Variants in ZNF277 observed in about 807,000 individuals in gnomAD.
The protein encoded by ZNF277 is nuclear receptor-interacting factor 4.
In ZNF277, 55 loss-of-function variants were observed where a neutral mutation model predicts 60.7. The ratio of observed to expected loss-of-function variants is 0.91; its 90% CI spans 0.73 to 1.13. The LOEUF is 1.13. ZNF277 is among the 50% of genes most tolerant of loss of function. ZNF277 has a pLI of 0.00. For synonymous variants in ZNF277, 178 were observed against 179.3 expected (o/e 0.99, Z 0.06); for missense variants, 510 against 523.0 (o/e 0.98, Z 0.24).
intron 1 of ZNF277, among the ~76,000 whole-genome samples, chr7:112,269,131 C>T (rs150986523): frequency 6.6e-6 from 1 of 152,050 alleles, no homozygotes; most frequent in East Asian, 1.9e-4. Context: ...CAATGAATGA[C>T]AAGACCTTGA....
chr7:112,221,422 A>G (rs182946138), intron 1 of ZNF277, among the ~76,000 whole-genome samples: 112 of 152,290 alleles, frequency 7.4e-4, no homozygotes, highest in Admixed American at 7.3e-3. Flanking sequence ...TAACATTATC[A>G]TATATGGCAG....
intron 1 of ZNF277, among the ~76,000 whole-genome samples, chr7:112,237,591 A>G (rs1790834472): frequency 6.6e-6 from 1 of 152,198 alleles, no homozygotes; most frequent in Non-Finnish European, 1.5e-5. Flanking sequence ...CACAAACTAG[A>G]AAACCTAGAG....
intron 1 of ZNF277, among the ~76,000 whole-genome samples, chr7:112,284,507 A>G (rs1323881698): frequency 6.6e-6 from 1 of 152,178 alleles, no homozygotes; most frequent in Admixed American, 6.6e-5. Context: ...TGCCTATGAA[A>G]GTTAACCTAC....
intron 1 of ZNF277, among the ~76,000 whole-genome samples, chr7:112,235,473 CTTA>C (rs1473488069): frequency 6.6e-6 from 1 of 152,024 alleles, no homozygotes; most frequent in Non-Finnish European, 1.5e-5. Context: ...GAAGTAGTAT[CTTA>C]TTATAGTATT....
intron 1 of ZNF277, among the ~76,000 whole-genome samples, chr7:112,234,990 T>A (rs2116983731): frequency 6.6e-6 from 1 of 152,136 alleles, no homozygotes; most frequent in East Asian, 1.9e-4. Flanking sequence ...GTTTGTTGTT[T>A]GTTAATTATT....
intron 4 of ZNF277, among the ~76,000 whole-genome samples, chr7:112,306,229 T>C (rs1584396108): frequency 1.3e-5 from 2 of 149,680 alleles, no homozygotes; most frequent in South Asian, 2.1e-4. Flanking sequence ...TTTTTTTTTT[T>C]TTTGAGATGG....
intron 4 of ZNF277, among the ~76,000 whole-genome samples, chr7:112,310,454 TGAGA>T (rs377447375): frequency 9.4e-5 from 11 of 117,272 alleles, no homozygotes; most frequent in East Asian, 4.4e-4. Flanking sequence ...AGGTTAGGTT[TGAGA>T]GAGAGAGAGA....
intron 1 of ZNF277, among the ~76,000 whole-genome samples, chr7:112,266,376 G>T (rs938871757): frequency 4.6e-5 from 7 of 151,952 alleles, no homozygotes; most frequent in African/African-American, 1.7e-4. Flanking sequence ...CAAACTCCTG[G>T]CCTCAAGCAA....
intron 1 of ZNF277, among the ~76,000 whole-genome samples, chr7:112,272,186 TTG>T (rs1791684718): frequency 6.6e-6 from 1 of 152,224 alleles, no homozygotes; most frequent in South Asian, 2.1e-4. Context: ...CATGCAAAGT[TTG>T]TCATTTTGTT....
chr7:112,336,525 A>T (rs940680141), intron 8 of ZNF277, among the ~76,000 whole-genome samples: 2 of 152,160 alleles, frequency 1.3e-5, no homozygotes, highest in Admixed American at 1.3e-4. Context: ...TAGAGAATAT[A>T]ACTGCATTGA....
Position 112,331,831 on chromosome 7 carries a change from G to A in ZNF277, c.801+1615G>A, listed in dbSNP as rs141642218. Among the ~76,000 whole-genome samples the A allele has an allele frequency of 3.2e-4, 49 of 152,310 alleles. 1 individual carries two copies. Among genetic ancestry groups the A allele is most frequent in the Non-Finnish European group, 6.0e-4 (41 of 68,030 alleles). Reference sequence around the variant, plus strand: ...AAGAAATATTCAGCTACTGCATCTAGCTATAGGAGCAATTTAATAGTTCTT... The same window carrying A: ...AAGAAATATTCAGCTACTGCATCTAACTATAGGAGCAATTTAATAGTTCTT... On this transcript the variant is annotated intron_variant, in intron 7 of 11. Transcript: ENST00000361822.
At chr7:112,298,702 C>T (rs1361797627) in intron 4 of ZNF277, among the ~76,000 whole-genome samples, 1 of 152,180 alleles carries the variant, frequency 6.6e-6, no homozygotes, top group Non-Finnish European at 1.5e-5. Flanking sequence ...TGACTGATGA[C>T]CATCCATAAG....
intron 4 of ZNF277, among the ~76,000 whole-genome samples, chr7:112,296,928 T>TA (rs1563219785): frequency 6.6e-5 from 4 of 60,554 alleles, no homozygotes; most frequent in Non-Finnish European, 1.2e-4. Flanking sequence ...TTTTTTTTTT[T>TA]TTTTTTTTTT....
At chr7:112,298,699 T>C (rs1220392790) in intron 4 of ZNF277, among the ~76,000 whole-genome samples, 2 of 152,230 alleles carry the variant, frequency 1.3e-5, no homozygotes, top group South Asian at 2.1e-4. Context: ...CAATGACTGA[T>C]GACCATCCAT....
intron 7 of ZNF277, among the ~76,000 whole-genome samples, chr7:112,334,619 G>A (rs1285100318): frequency 6.6e-6 from 1 of 152,140 alleles, no homozygotes; most frequent in African/African-American, 2.4e-5. Context: ...ACTCAACACT[G>A]AGGAAGTTGC....
At chr7:112,215,936 C>G (rs1587081123) in intron 1 of ZNF277, among the ~76,000 whole-genome samples, 3 of 152,104 alleles carry the variant, frequency 2.0e-5, no homozygotes, top group African/African-American at 4.8e-5. Flanking sequence ...AAGAAAATAT[C>G]CTGTACCCGC....
intron 1 of ZNF277, among the ~76,000 whole-genome samples, chr7:112,262,396 A>G (rs1326110921): frequency 1.3e-5 from 2 of 152,132 alleles, no homozygotes; most frequent in African/African-American, 4.8e-5. Context: ...ACTGTATGGG[A>G]TATTGTCATT....
At chr7:112,233,853 A>T (rs1384991551) in intron 1 of ZNF277, among the ~76,000 whole-genome samples, 1 of 152,034 alleles carries the variant, frequency 6.6e-6, no homozygotes, top group Non-Finnish European at 1.5e-5. Context: ...TCTTTTCAAA[A>T]TTTTTTGGAA....
intron 4 of ZNF277, among the ~76,000 whole-genome samples, chr7:112,310,478 A>AGAGAGAGAGAGAGAGTGT (rs762824873): frequency 0.01 from 1,312 of 125,554 alleles, 64 homozygotes; most frequent in African/African-American, 0.049. Context: ...AGAGAGAGAG[A>AGAGAGAGAGAGAGAGTGT]GTGTGTGTGT....
Sources: gnomAD v4.1 joint callset for allele counts (sites outside exome capture counted in the v4.1 genomes callset) on GRCh38, gnomAD v4.1.1 for gene constraint, MANE v1.5 for transcripts, NCBI Gene and HGNC (gene_info 2026-07-23, HGNC 2026-07-21) for gene names.